RHBDD1: variants seen among roughly 807,000 people sequenced by gnomAD.
The protein encoded by RHBDD1 is rhomboid-related protein 4.
RHBDD1 carries 38 observed loss-of-function variants against 36.3 expected under a neutral mutation model. That is an observed-to-expected ratio of 1.05 (90% CI 0.81 to 1.37). RHBDD1 has a LOEUF of 1.37. Ranked by LOEUF, RHBDD1 falls within the 40% of genes most tolerant of loss-of-function variation. The pLI, the probability that RHBDD1 is intolerant of heterozygous loss-of-function variation, is 0.00. For missense variants in RHBDD1, 393 were observed against 377.6 expected, an observed-to-expected ratio of 1.04 and a Z score of -0.34; for synonymous variants, 151 against 136.5, an observed-to-expected ratio of 1.11 and a Z score of -0.74.
chr2:226,813,617 T>C, the RHBDD1 span, among the ~76,000 whole-genome samples: 1 of 152,234 alleles, frequency 6.6e-6, no homozygotes, highest in Non-Finnish European at 1.5e-5. Context: ...CTTGCCATCA[T>C]TGTAAATGCT....
Position 226,867,223 on chromosome 2 carries a change from T to C in RHBDD1, c.471T>C (p.Tyr157=). The change falls in exon 5 of 9, where the codon TAT becomes TAC. Residue 157 remains tyrosine, a synonymous_variant. Coordinates refer to ENST00000392062, the MANE Select transcript of RHBDD1 (RefSeq NM_001167608.3). ...LFALKVLNNH[Y]CPGGFVNILG... is the part of the protein sequence containing the mutation. ...CTTTGAAAGTTCTTAACAACCATTA[T>C]TGCCCTGGAGGCTTTGTCAACATTT... 6.2e-7 allele frequency: 1 copy of C among 1,613,128 alleles called. No homozygotes were observed. The highest frequency in any genetic ancestry group is 8.5e-7 in the Non-Finnish European group (1 of 1,179,610).
At chr2:226,989,747 C>T (rs754897179) in intron 8 of RHBDD1, among the ~76,000 whole-genome samples, 11 of 152,072 alleles carry the variant, frequency 7.2e-5, no homozygotes, top group Non-Finnish European at 1.2e-4. Context: ...GATTTTAAGT[C>T]ATTTTTGTTC....
chr2:226,909,274 C>T (rs887075059), intron 7 of RHBDD1, among the ~76,000 whole-genome samples: 8 of 152,076 alleles, frequency 5.3e-5, no homozygotes, highest in Non-Finnish European at 8.8e-5. Context: ...CCTTGCATAC[C>T]GTCAGATGCT....
intron 3 of RHBDD1, among the ~76,000 whole-genome samples, 164 bp from the exon 4 acceptor site, chr2:226,864,440 G>A (rs1944142795): frequency 6.6e-6 from 1 of 152,166 alleles, no homozygotes; most frequent in African/African-American, 2.4e-5. Flanking sequence ...AAGGAAGGGT[G>A]TCAGTCAGCA....
chr2:226,977,926 G>A (rs1032069498), intron 8 of RHBDD1, among the ~76,000 whole-genome samples: 2 of 152,180 alleles, frequency 1.3e-5, no homozygotes, highest in Non-Finnish European at 2.9e-5. Flanking sequence ...TTTTAAAAGA[G>A]TTCACCACAT....
chr2:226,939,224 A>G (rs1184310786), intron 8 of RHBDD1, among the ~76,000 whole-genome samples: 2 of 152,196 alleles, frequency 1.3e-5, no homozygotes, highest in African/African-American at 4.8e-5. Context: ...GGCACAAGAC[A>G]AGGAAGCCCT....
chr2:226,886,777 A>G (rs1946251341), intron 5 of RHBDD1, among the ~76,000 whole-genome samples: 1 of 152,210 alleles, frequency 6.6e-6, no homozygotes, highest in African/African-American at 2.4e-5. Flanking sequence ...CATTGAGAAT[A>G]CTACATATCA....
chr2:226,904,806 G>T (rs530047036), intron 5 of RHBDD1, among the ~76,000 whole-genome samples: 2 of 152,180 alleles, frequency 1.3e-5, no homozygotes, highest in Non-Finnish European at 2.9e-5. Context: ...CATAGTAGGC[G>T]AAATGTATTG....
At chr2:226,925,610 T>G (rs568401299) in intron 8 of RHBDD1, among the ~76,000 whole-genome samples, 1 of 152,328 alleles carries the variant, frequency 6.6e-6, no homozygotes, top group African/African-American at 2.4e-5. Flanking sequence ...CTTAGACAAT[T>G]ACAATGGTTT....
intron 8 of RHBDD1, among the ~76,000 whole-genome samples, chr2:226,925,684 G>A (rs1024496499): frequency 2.0e-5 from 3 of 152,158 alleles, no homozygotes; most frequent in African/African-American, 7.2e-5. Context: ...GCCATTGTTA[G>A]TTACTGTATA....
intron 3 of RHBDD1, among the ~76,000 whole-genome samples, chr2:226,855,509 A>T (rs956778755): frequency 6.6e-6 from 1 of 152,210 alleles, no homozygotes; most frequent in African/African-American, 2.4e-5. Context: ...TCTCTAAAAA[A>T]CAAAAAACCC....
chr2:226,917,844 A>G (rs1454838558), intron 8 of RHBDD1, among the ~76,000 whole-genome samples: 1 of 152,026 alleles, frequency 6.6e-6, no homozygotes, highest in Non-Finnish European at 1.5e-5. Flanking sequence ...AGGATTTTGA[A>G]TTACGGTGAA....
At chr2:226,839,762 A>G (rs1941407765) in intron 3 of RHBDD1, 135 bp downstream of exon 3, 2 of 151,764 alleles carry the variant, frequency 1.3e-5, no homozygotes, top group African/African-American at 2.4e-5. Flanking sequence ...CGTATTTTAC[A>G]AAGTAGGATT....
intron 5 of RHBDD1, among the ~76,000 whole-genome samples, chr2:226,870,049 A>C (rs946672080): frequency 6.6e-6 from 1 of 152,218 alleles, no homozygotes; most frequent in Non-Finnish European, 1.5e-5. Context: ...CTAGACAGAA[A>C]ACCAAAGTGG....
chr2:226,844,687 T>C (rs1942034876), intron 3 of RHBDD1, among the ~76,000 whole-genome samples: 1 of 152,210 alleles, frequency 6.6e-6, no homozygotes, highest in African/African-American at 2.4e-5. Flanking sequence ...CTGGCATTGC[T>C]GTTCCCTGTG....
rs1331016969 is a variant in RHBDD1, at chr2:226,885,387, A to G, written c.566+18069A>G. ...GATTGATATCAGCATATGTATTGTA[A>G]TGATGTATCAGAAAATGGAGAACCC... is the stretch of plus-strand genomic sequence containing the variant. On this transcript the variant is annotated intron_variant, in intron 5 of 8. Coordinates refer to ENST00000392062, the MANE Select transcript of RHBDD1 (RefSeq NM_001167608.3). Among the ~76,000 whole-genome samples, 4 of 152,276 alleles carry G rather than the reference A, an allele frequency of 2.6e-5. No homozygotes were observed. In the East Asian group the frequency reaches 5.8e-4, roughly 22 times the overall value.
At chr2:226,896,546 A>G (rs1447129564) in intron 5 of RHBDD1, among the ~76,000 whole-genome samples, 1 of 152,172 alleles carries the variant, frequency 6.6e-6, no homozygotes, top group African/African-American at 2.4e-5. Context: ...TACCGGGACT[A>G]CATTATTCTC....
intron 8 of RHBDD1, among the ~76,000 whole-genome samples, chr2:226,976,024 G>A (rs1244560143): frequency 2.6e-5 from 4 of 151,758 alleles, no homozygotes; most frequent in Non-Finnish European, 5.9e-5. Flanking sequence ...GCATAGCAGG[G>A]CCTGTCTGGT....
At chr2:226,800,563 C>A in the RHBDD1 span, among the ~76,000 whole-genome samples, 1 of 152,172 alleles carries the variant, frequency 6.6e-6, no homozygotes, top group Non-Finnish European at 1.5e-5. Flanking sequence ...ACCTTTTCTC[C>A]TGCTCCCCTT....
Sources: gnomAD v4.1 joint callset for allele counts (sites outside exome capture counted in the v4.1 genomes callset) on GRCh38, gnomAD v4.1.1 for gene constraint, MANE v1.5 for transcripts, NCBI Gene and HGNC (gene_info 2026-07-23, HGNC 2026-07-21) for gene names.